CEP112: variants seen among roughly 807,000 people sequenced by gnomAD.
CEP112 encodes the protein centrosomal protein of 112 kDa.
A neutral mutation model predicts 153.0 loss-of-function variants in CEP112; 127 were observed. That is an observed-to-expected ratio of 0.83 (90% CI 0.72 to 0.96). The LOEUF is 0.96. Ranked by LOEUF, CEP112 falls within the 40% of genes least tolerant of loss-of-function variation. The probability of loss-of-function intolerance (pLI) is 0.00; values close to 1 mark genes in which losing one functional copy is unlikely to be tolerated. For missense variants in CEP112, 1,089 were observed against 1,101.2 expected (o/e 0.99, Z 0.16); for synonymous variants, 358 against 374.4 (o/e 0.96, Z 0.51).
chr17:65,676,812 G>A (rs2047256830), intron 24 of CEP112, among the ~76,000 whole-genome samples: 1 of 152,194 alleles, frequency 6.6e-6, no homozygotes, highest in African/African-American at 2.4e-5. Context: ...GCTGAATGGA[G>A]CAGTTGGGAT....
At chr17:66,031,156 T>C (rs565339442) in intron 12 of CEP112, among the ~76,000 whole-genome samples, 1 of 152,350 alleles carries the variant, frequency 6.6e-6, no homozygotes, top group South Asian at 2.1e-4. Context: ...ATTATCCCTC[T>C]GCTTTAGGAG....
chr17:65,831,282 G>A (rs1049998553), intron 21 of CEP112, among the ~76,000 whole-genome samples: 1 of 152,220 alleles, frequency 6.6e-6, no homozygotes, highest in Non-Finnish European at 1.5e-5. Flanking sequence ...ATCAGGCCAG[G>A]CGCAGTGGCT....
Position 66,083,424 on chromosome 17 carries a change from G to A in CEP112, c.768+12827C>T, listed in dbSNP as rs1480760068. 4.6e-5 allele frequency among the ~76,000 whole-genome samples: 7 copies of A among 152,016 alleles called. No individual in the cohort carries two copies. The East Asian group carries it at 9.6e-4, about 21-fold the overall frequency. On this transcript the variant is annotated intron_variant, in intron 8 of 26. Transcript: ENST00000535342. ...ATGTCTTTATTAGCAGCATGAGAACGGACTAATACAATGACACAGATAAAC... is the reference window on the plus strand; with the variant it reads ...ATGTCTTTATTAGCAGCATGAGAACAGACTAATACAATGACACAGATAAAC...
intron 6 of CEP112, among the ~76,000 whole-genome samples, chr17:66,099,401 G>C (rs1002203728): frequency 4.0e-5 from 6 of 151,712 alleles, no homozygotes; most frequent in Non-Finnish European, 5.9e-5. Context: ...CTATTCAGGA[G>C]GCTGAGGCAG....
intron 17 of CEP112, among the ~76,000 whole-genome samples, chr17:65,971,239 A>G (rs1241448719): frequency 6.6e-6 from 1 of 152,212 alleles, no homozygotes; most frequent in East Asian, 1.9e-4. Flanking sequence ...ATACGTGCAA[A>G]ACATGCACAT....
At position 65,836,952 on chromosome 17, in the gene CEP112, G is replaced by A. The variant is rs551733374; in HGVS notation, c.2394+14852C>T. 7.9e-5 allele frequency among the ~76,000 whole-genome samples: 12 copies of A among 152,264 alleles called. No homozygotes were observed. In the South Asian group the frequency reaches 2.3e-3, roughly 29 times the overall value. ...CCAGTGCCTGGGATTGCAGGTGCGC[G>A]CCGCCACGCCTGACTGGTTTTCGTA... On this transcript the variant is annotated intron_variant, in intron 21 of 26. Coordinates refer to ENST00000535342, the MANE Select transcript of CEP112 (RefSeq NM_001199165.4).
At chr17:65,790,156 A>G (rs1024417174) in intron 21 of CEP112, among the ~76,000 whole-genome samples, 4 of 152,232 alleles carry the variant, frequency 2.6e-5, no homozygotes, top group Non-Finnish European at 5.9e-5. Context: ...CTTGGAAGGC[A>G]GAGCTTCTAG....
chr17:65,769,724 A>G (rs2053222627), intron 21 of CEP112, among the ~76,000 whole-genome samples: 1 of 151,958 alleles, frequency 6.6e-6, no homozygotes, highest in South Asian at 2.1e-4. Context: ...GTAAAAGAAT[A>G]AAATTGGACC....
intron 21 of CEP112, among the ~76,000 whole-genome samples, chr17:65,817,348 C>G (rs1268321185): frequency 6.6e-6 from 1 of 151,764 alleles, no homozygotes; most frequent in African/African-American, 2.4e-5. Context: ...AAAAACGTTT[C>G]AAAACAGGTG....
chr17:66,172,807 C>A (rs376794300), intron 4 of CEP112, among the ~76,000 whole-genome samples: 5 of 152,204 alleles, frequency 3.3e-5, no homozygotes, highest in African/African-American at 9.7e-5. Context: ...CTTTCTCCCC[C>A]ACTCATCTAA....
chr17:66,134,720 G>A (rs1195763814), intron 4 of CEP112, among the ~76,000 whole-genome samples: 1 of 152,164 alleles, frequency 6.6e-6, no homozygotes, highest in African/African-American at 2.4e-5. Flanking sequence ...TTGGGAGGCT[G>A]AGGTAGGAGG....
At chr17:65,905,982 T>C (rs547613106) in intron 19 of CEP112, among the ~76,000 whole-genome samples, 1 of 151,914 alleles carries the variant, frequency 6.6e-6, no homozygotes, top group Non-Finnish European at 1.5e-5. Context: ...CTTATGTTTA[T>C]TGCAGCACCC....
At chr17:66,176,476 A>C (rs1240742722) in intron 3 of CEP112, among the ~76,000 whole-genome samples, 1 of 152,180 alleles carries the variant, frequency 6.6e-6, no homozygotes. Flanking sequence ...ACGTTTAAAT[A>C]ATATATATGA....
intron 21 of CEP112, among the ~76,000 whole-genome samples, chr17:65,774,547 A>T (rs2053568632): frequency 6.6e-6 from 1 of 152,204 alleles, no homozygotes; most frequent in South Asian, 2.1e-4. Context: ...ACACAGGAAG[A>T]ATACAACATT....
At chr17:65,994,142 C>T (rs904237461) in intron 17 of CEP112, among the ~76,000 whole-genome samples, 1 of 151,758 alleles carries the variant, frequency 6.6e-6, no homozygotes, top group South Asian at 2.1e-4. Context: ...TTTTCTAAAA[C>T]CCATAATCTG....
intron 21 of CEP112, among the ~76,000 whole-genome samples, chr17:65,816,071 AAAT>A (rs1209984475): frequency 6.6e-6 from 1 of 152,058 alleles, no homozygotes; most frequent in Non-Finnish European, 1.5e-5. Context: ...TCTTGGGAAA[AAAT>A]AATATGGTCT....
intron 19 of CEP112, among the ~76,000 whole-genome samples, chr17:65,925,020 T>C (rs1173240826): frequency 6.6e-6 from 1 of 152,154 alleles, no homozygotes; most frequent in Admixed American, 6.5e-5. Flanking sequence ...ACTGTTACAA[T>C]AGCAAGGCTG....
intron 18 of CEP112, among the ~76,000 whole-genome samples, chr17:65,937,930 A>T (rs2061398760): frequency 8.0e-6 from 1 of 124,926 alleles, no homozygotes; most frequent in Non-Finnish European, 1.7e-5. Context: ...CCAGCGGCTC[A>T]TTGAGAACGG....
At chr17:65,800,380 G>T (rs1233538668) in intron 21 of CEP112, among the ~76,000 whole-genome samples, 1 of 152,018 alleles carries the variant, frequency 6.6e-6, no homozygotes, top group Non-Finnish European at 1.5e-5. Flanking sequence ...TTTGTGTCCA[G>T]ATTTTTTTTA....
Sources: allele counts gnomAD v4.1 joint callset (sites outside exome capture counted in the v4.1 genomes callset), GRCh38; gene constraint gnomAD v4.1.1; transcripts MANE v1.5; gene names NCBI Gene and HGNC (gene_info 2026-07-23, HGNC 2026-07-21).